MAGI2: variants seen among roughly 807,000 people sequenced by gnomAD.
The protein encoded by MAGI2 is membrane associated guanylate kinase, WW and PDZ domain containing 2.
A neutral mutation model predicts 133.3 loss-of-function variants in MAGI2; 35 were observed. That is an observed-to-expected ratio of 0.26 (90% CI 0.20 to 0.35). The LOEUF (loss-of-function observed/expected upper bound fraction) is 0.35, where lower values mean the gene tolerates loss of function less well. Ranked by LOEUF, MAGI2 falls within the 10% of genes least tolerant of loss-of-function variation. The pLI, the probability that MAGI2 is intolerant of heterozygous loss-of-function variation, is 1.00. For synonymous variants in MAGI2, 729 were observed against 710.6 expected (o/e 1.03, Z -0.41); for missense variants, 1,636 against 1,863.4 (o/e 0.88, Z 2.25).
At chr7:79,300,941 A>G (rs34983504) in intron 1 of MAGI2, among the ~76,000 whole-genome samples, 19 of 152,128 alleles carry the variant, frequency 1.2e-4, no homozygotes, top group African/African-American at 4.6e-4. Flanking sequence ...CTGCAGCTCC[A>G]GAGGGTGCAA....
intron 1 of MAGI2, among the ~76,000 whole-genome samples, chr7:79,239,472 T>C (rs1365422693): frequency 6.6e-6 from 1 of 152,222 alleles, no homozygotes; most frequent in African/African-American, 2.4e-5. Flanking sequence ...CATTCATTTA[T>C]CAAAACTTTA....
At chr7:78,884,439 T>A (rs1395346584) in intron 2 of MAGI2, among the ~76,000 whole-genome samples, 2 of 152,132 alleles carry the variant, frequency 1.3e-5, no homozygotes, top group Non-Finnish European at 2.9e-5. Context: ...AACATGCCAC[T>A]GCATTGCAGC....
At chr7:79,079,124 C>G (rs944399426) in intron 1 of MAGI2, among the ~76,000 whole-genome samples, 1 of 152,108 alleles carries the variant, frequency 6.6e-6, no homozygotes, top group African/African-American at 2.4e-5. Context: ...TTCTTCCTCT[C>G]TCACCCCCTC....
Position 79,014,198 on chromosome 7 carries a change from T to C in MAGI2, c.302-6992A>G, listed in dbSNP as rs114408435. On this transcript the variant is annotated intron_variant, in intron 1 of 21. Transcript: ENST00000354212. Reference sequence around the variant, plus strand: ...AGCTCAATTGAAAATAGCTTTTTTATTATTTCCTTTCCCCTACTATTGTAC... The same window carrying C: ...AGCTCAATTGAAAATAGCTTTTTTACTATTTCCTTTCCCCTACTATTGTAC... Among the ~76,000 whole-genome samples the C allele has an allele frequency of 2.8e-3, 425 of 152,298 alleles. 7 individuals carry two copies. Among genetic ancestry groups the C allele is most frequent in the African/African-American group, 9.9e-3 (410 of 41,580 alleles).
chr7:78,880,760 C>T (rs1795780393), intron 2 of MAGI2, among the ~76,000 whole-genome samples: 1 of 148,720 alleles, frequency 6.7e-6, no homozygotes, highest in Non-Finnish European at 1.5e-5. Flanking sequence ...AAATGCTCCA[C>T]TTAAAAGGTA....
intron 2 of MAGI2, among the ~76,000 whole-genome samples, chr7:78,725,328 T>C (rs1044124639): frequency 2.6e-5 from 4 of 152,234 alleles, no homozygotes; most frequent in East Asian, 3.8e-4. Context: ...AAAATGACCA[T>C]AGAACTATTT....
chr7:78,385,097 A>G (rs1043779382), intron 6 of MAGI2, among the ~76,000 whole-genome samples: 3 of 152,162 alleles, frequency 2.0e-5, no homozygotes, highest in Admixed American at 2.0e-4. Context: ...TTGGGGTGAC[A>G]TGGGGTTGTC....
chr7:78,896,724 C>T (rs932767350), intron 2 of MAGI2, among the ~76,000 whole-genome samples: 23 of 151,792 alleles, frequency 1.5e-4, no homozygotes, highest in Non-Finnish European at 2.1e-4. Context: ...CGTGCCACTA[C>T]GCCCGGCTAC....
At chr7:78,809,685 C>T (rs1044422412) in intron 2 of MAGI2, among the ~76,000 whole-genome samples, 2 of 151,396 alleles carry the variant, frequency 1.3e-5, no homozygotes, top group African/African-American at 4.9e-5. Flanking sequence ...CACAGAAAAT[C>T]GATGTTATTT....
At chr7:78,314,354 G>C (rs1249890793) in intron 9 of MAGI2, among the ~76,000 whole-genome samples, 2 of 152,122 alleles carry the variant, frequency 1.3e-5, no homozygotes, top group Non-Finnish European at 2.9e-5. Context: ...CTCTCTAAAA[G>C]AGGATAAAAC....
chr7:78,992,221 G>C (rs977960875), intron 2 of MAGI2, among the ~76,000 whole-genome samples: 2 of 151,904 alleles, frequency 1.3e-5, no homozygotes, highest in Non-Finnish European at 2.9e-5. Context: ...TATGTATTCT[G>C]TTTACCCATC....
At chr7:78,449,777 T>C (rs1788529053) in intron 6 of MAGI2, among the ~76,000 whole-genome samples, 1 of 152,098 alleles carries the variant, frequency 6.6e-6, no homozygotes, top group African/African-American at 2.4e-5. Context: ...GAGTTTGGTA[T>C]AGACATTATC....
chr7:79,166,756 G>A (rs1007853397), intron 1 of MAGI2, among the ~76,000 whole-genome samples: 2 of 151,956 alleles, frequency 1.3e-5, no homozygotes, highest in African/African-American at 2.4e-5. Context: ...CATTTTACTC[G>A]AGGGAATCAG....
intron 1 of MAGI2, among the ~76,000 whole-genome samples, chr7:79,260,381 TACATACATACATACATAC>T (rs1833990249): frequency 3.7e-5 from 1 of 27,068 alleles, no homozygotes; most frequent in Non-Finnish European, 1.5e-4. Context: ...CATACATACA[TACATACATACATACATAC>T]ATACATACAT....
intron 1 of MAGI2, among the ~76,000 whole-genome samples, chr7:79,038,332 T>C (rs73141487): frequency 0.042 from 6,469 of 152,250 alleles, 182 homozygotes; most frequent in Non-Finnish European, 0.057. Flanking sequence ...TTCTTTTTAA[T>C]TCATGTATTT....
At chr7:79,438,264 G>A (rs17152506) in intron 1 of MAGI2, among the ~76,000 whole-genome samples, 23,899 of 152,000 alleles carry the variant, frequency 0.16, 2,037 homozygotes, top group East Asian at 0.29. Flanking sequence ...TCCACACACT[G>A]TGTTCTTTAA....
At chr7:78,289,747 C>T (rs1796509989) in intron 9 of MAGI2, among the ~76,000 whole-genome samples, 1 of 152,212 alleles carries the variant, frequency 6.6e-6, no homozygotes, top group Non-Finnish European at 1.5e-5. Context: ...GTCAGACTAA[C>T]AGCAGATCTC....
intron 2 of MAGI2, among the ~76,000 whole-genome samples, chr7:78,744,585 T>C (rs1822750906): frequency 6.6e-6 from 1 of 152,166 alleles, no homozygotes; most frequent in African/African-American, 2.4e-5. Flanking sequence ...TTGTATGAAG[T>C]TGTGACTGCT....
chr7:78,521,716 G>A, intron 3 of MAGI2, 71 bp from the exon 4 acceptor site: 4 of 1,286,832 alleles, frequency 3.1e-6, no homozygotes, highest in Non-Finnish European at 4.5e-6. Flanking sequence ...GTGAAGAATG[G>A]AAATTATATT....
Sources: gnomAD v4.1 joint callset for allele counts (sites outside exome capture counted in the v4.1 genomes callset) on GRCh38, gnomAD v4.1.1 for gene constraint, MANE v1.5 for transcripts, NCBI Gene and HGNC (gene_info 2026-07-23, HGNC 2026-07-21) for gene names.